RIMS1: variants seen among roughly 807,000 people sequenced by gnomAD.
RIMS1 encodes regulating synaptic membrane exocytosis protein 1.
A neutral mutation model predicts 214.1 loss-of-function variants in RIMS1; 83 were observed. The observed-to-expected ratio is 0.39, with a 90% CI of 0.32 to 0.47. The LOEUF (loss-of-function observed/expected upper bound fraction) is 0.47. RIMS1 is among the 20% of genes least tolerant of loss of function. RIMS1 has a pLI of 0.99. For synonymous variants in RIMS1, 793 were observed against 786.8 expected, an observed-to-expected ratio of 1.01 and a Z score of -0.13; for missense variants, 2,050 against 2,161.8, an observed-to-expected ratio of 0.95 and a Z score of 1.03.
chr6:72,128,338 G>A (rs1355825311), intron 4 of RIMS1, among the ~76,000 whole-genome samples: 2 of 152,068 alleles, frequency 1.3e-5, no homozygotes, highest in Non-Finnish European at 2.9e-5. Context: ...TTACTTTTAA[G>A]AAGGAAAACT....
Position 71,921,196 on chromosome 6 carries a change from C to T in RIMS1, c.164+34009C>T, listed in dbSNP as rs1779869473. On this transcript the variant is annotated intron_variant, in intron 1 of 33. Transcript: ENST00000521978. ...CAGGCTGGAGTGCAGTCTCAGCTCA[C>T]TGCAACCTCTGCCTCCCAGGTTCAA... Among the ~76,000 whole-genome samples, 3 of 152,154 alleles carry T rather than the reference C, an allele frequency of 2.0e-5. No homozygotes were observed. In the South Asian group the frequency reaches 6.2e-4, roughly 32 times the overall value.
At chr6:72,026,353 T>C (rs188417319) in intron 2 of RIMS1, among the ~76,000 whole-genome samples, 1 of 152,098 alleles carries the variant, frequency 6.6e-6, no homozygotes, top group Non-Finnish European at 1.5e-5. Context: ...TTTACAAAAC[T>C]TTGGTGATTC....
intron 6 of RIMS1, among the ~76,000 whole-genome samples, chr6:72,211,115 G>T (rs1438766177): frequency 6.6e-6 from 1 of 152,166 alleles, no homozygotes; most frequent in Non-Finnish European, 1.5e-5. Context: ...ACTACTGGTT[G>T]TAAAGATTAA....
intron 27 of RIMS1, 110 bp downstream of exon 27, chr6:72,307,480 C>A: frequency 2.9e-6 from 2 of 679,878 alleles, no homozygotes; most frequent in Non-Finnish European, 4.7e-6. Context: ...TCATTTGGGC[C>A]GGGCATGGTA....
chr6:72,019,874 A>T (rs1814054974), intron 2 of RIMS1, among the ~76,000 whole-genome samples: 1 of 152,236 alleles, frequency 6.6e-6, no homozygotes, highest in East Asian at 1.9e-4. Flanking sequence ...TTGTCCAGAT[A>T]GTTGGTCCTA....
chr6:71,956,155 C>T (rs1384488168), intron 1 of RIMS1, among the ~76,000 whole-genome samples: 1 of 152,002 alleles, frequency 6.6e-6, no homozygotes, highest in Non-Finnish European at 1.5e-5. Flanking sequence ...AATATTTCCA[C>T]TCTACTGTTA....
At chr6:72,096,281 G>A (rs2031640626) in intron 2 of RIMS1, among the ~76,000 whole-genome samples, 1 of 152,170 alleles carries the variant, frequency 6.6e-6, no homozygotes, top group Admixed American at 6.5e-5. Context: ...GATGTGAACT[G>A]CAAGAACTAG....
At chr6:72,326,883 C>T (rs776704004) in intron 28 of RIMS1, among the ~76,000 whole-genome samples, 16 of 151,836 alleles carry the variant, frequency 1.1e-4, no homozygotes, top group Non-Finnish European at 2.1e-4. Flanking sequence ...GGAGCAGAGT[C>T]AGTCAAAGAC....
chr6:72,369,207 ATC>A (rs2154399120), intron 29 of RIMS1, among the ~76,000 whole-genome samples: 1 of 151,960 alleles, frequency 6.6e-6, no homozygotes, highest in Admixed American at 6.6e-5. Flanking sequence ...AATGATAAGA[ATC>A]TCAATATGGG....
intron 29 of RIMS1, among the ~76,000 whole-genome samples, chr6:72,357,053 A>G (rs1564467389): frequency 6.6e-6 from 1 of 152,210 alleles, no homozygotes; most frequent in Non-Finnish European, 1.5e-5. Flanking sequence ...AGCACAGCTA[A>G]ATACCACAGA....
chr6:72,230,077 G>A (rs1323620608), intron 6 of RIMS1, among the ~76,000 whole-genome samples: 1 of 151,752 alleles, frequency 6.6e-6, no homozygotes, highest in Non-Finnish European at 1.5e-5. Flanking sequence ...AGAGGTTCAG[G>A]AAATACCTGG....
chr6:72,075,716 TC>T (rs1831658421), intron 2 of RIMS1, among the ~76,000 whole-genome samples: 1 of 152,206 alleles, frequency 6.6e-6, no homozygotes, highest in Non-Finnish European at 1.5e-5. Flanking sequence ...TCTGTGGGTC[TC>T]TAAATAACAC....
intron 2 of RIMS1, among the ~76,000 whole-genome samples, chr6:72,089,423 G>C (rs924479877): frequency 1.1e-4 from 16 of 152,042 alleles, no homozygotes; most frequent in Non-Finnish European, 2.1e-4. Flanking sequence ...GCGGCTTCCT[G>C]ATTGAGGAAT....
intron 1 of RIMS1, among the ~76,000 whole-genome samples, chr6:71,965,954 G>A (rs998843492): frequency 1.3e-5 from 2 of 152,080 alleles, no homozygotes; most frequent in Non-Finnish European, 2.9e-5. Context: ...AGTATTAGGG[G>A]TTTATATTAT....
intron 2 of RIMS1, among the ~76,000 whole-genome samples, chr6:72,003,917 C>G (rs1480185391): frequency 6.7e-6 from 1 of 150,150 alleles, no homozygotes; most frequent in South Asian, 2.1e-4. Context: ...TGTGCACAAT[C>G]TGCAGGTTAG....
intron 2 of RIMS1, among the ~76,000 whole-genome samples, chr6:72,032,303 A>G (rs755351492): frequency 2.6e-4 from 39 of 152,188 alleles, no homozygotes; most frequent in Non-Finnish European, 5.0e-4. Flanking sequence ...TTGTCAGTTA[A>G]AAGTACTGTC....
At chr6:72,093,551 T>C (rs1333986214) in intron 2 of RIMS1, among the ~76,000 whole-genome samples, 1 of 152,038 alleles carries the variant, frequency 6.6e-6, no homozygotes, top group Non-Finnish European at 1.5e-5. Flanking sequence ...ATTTTGGGTA[T>C]ATCTCTTCAA....
At chr6:71,977,693 A>T (rs1423213387) in intron 2 of RIMS1, among the ~76,000 whole-genome samples, 2 of 152,130 alleles carry the variant, frequency 1.3e-5, no homozygotes, top group South Asian at 4.1e-4. Context: ...AAGAGCCAGG[A>T]AAAGGGAATT....
chr6:72,257,120 A>G (rs2076179963), intron 16 of RIMS1, among the ~76,000 whole-genome samples: 1 of 152,000 alleles, frequency 6.6e-6, no homozygotes, highest in Non-Finnish European at 1.5e-5. Flanking sequence ...CAAGTAAAAA[A>G]TGAACAACAG....
Sources: gnomAD v4.1 joint callset for allele counts (sites outside exome capture counted in the v4.1 genomes callset) on GRCh38, gnomAD v4.1.1 for gene constraint, MANE v1.5 for transcripts, NCBI Gene and HGNC (gene_info 2026-07-23, HGNC 2026-07-21) for gene names.